Variants in CSGALNACT1 observed in about 807,000 individuals in gnomAD.
CSGALNACT1 encodes beta4GalNAcT-1.
A neutral mutation model predicts 51.0 loss-of-function variants in CSGALNACT1; 52 were observed. That is an observed-to-expected ratio of 1.02 (90% CI 0.82 to 1.29). CSGALNACT1 has a LOEUF of 1.29. Ranked by LOEUF, CSGALNACT1 falls within the 50% of genes most tolerant of loss-of-function variation. The pLI is 0.00. For missense variants in CSGALNACT1, 935 were observed against 679.2 expected (o/e 1.38, Z -4.19); for synonymous variants, 341 against 254.4 (o/e 1.34, Z -3.24).
At chr8:19,451,369 T>C (rs2063154410) in intron 5 of CSGALNACT1, among the ~76,000 whole-genome samples, 1 of 152,238 alleles carries the variant, frequency 6.6e-6, no homozygotes, top group African/African-American at 2.4e-5. Flanking sequence ...TGAGTCCTTG[T>C]TCATTGAACT....
chr8:19,475,295 CAAG>C (rs1225617561), intron 4 of CSGALNACT1, among the ~76,000 whole-genome samples: 1 of 152,174 alleles, frequency 6.6e-6, no homozygotes, highest in Non-Finnish European at 1.5e-5. Flanking sequence ...GCTGAAGGGC[CAAG>C]AAGGCAGCCT....
At chr8:19,580,581 G>A (rs1262669652) in intron 3 of CSGALNACT1, among the ~76,000 whole-genome samples, 3 of 152,126 alleles carry the variant, frequency 2.0e-5, no homozygotes, top group East Asian at 1.9e-4. Flanking sequence ...CTTCCTTGGA[G>A]GAATAGAACA....
chr8:19,618,317 T>C (rs770768841), intron 1 of CSGALNACT1, among the ~76,000 whole-genome samples: 8 of 152,082 alleles, frequency 5.3e-5, no homozygotes, highest in Non-Finnish European at 1.2e-4. Flanking sequence ...GTACTATGAC[T>C]GTAGGGCTGG....
At chr8:19,734,883 T>C (rs28526838) in intron 1 of CSGALNACT1, among the ~76,000 whole-genome samples, 34,670 of 151,984 alleles carry the variant, frequency 0.23, 4,349 homozygotes, top group African/African-American at 0.33. Flanking sequence ...ATTATAAATG[T>C]ATATCTGAAT....
chr8:19,527,074 G>A (rs1313186913), intron 3 of CSGALNACT1, among the ~76,000 whole-genome samples: 1 of 152,056 alleles, frequency 6.6e-6, no homozygotes, highest in African/African-American at 2.4e-5. Context: ...TAAAGCTCAC[G>A]ATATCAAGAT....
At chr8:19,541,645 C>T (rs1039042394) in intron 3 of CSGALNACT1, among the ~76,000 whole-genome samples, 1 of 145,852 alleles carries the variant, frequency 6.9e-6, no homozygotes, top group Non-Finnish European at 1.5e-5. Context: ...GGTGATGCAC[C>T]CTGTGTTGGC....
chr8:19,660,815 A>G (rs2058686088), intron 1 of CSGALNACT1, among the ~76,000 whole-genome samples: 1 of 152,176 alleles, frequency 6.6e-6, no homozygotes, highest in Admixed American at 6.5e-5. Context: ...CACTCTCTAC[A>G]CACAGGAAAA....
intron 1 of CSGALNACT1, among the ~76,000 whole-genome samples, chr8:19,654,778 C>G (rs2058112571): frequency 1.3e-5 from 2 of 152,126 alleles, no homozygotes; most frequent in Admixed American, 6.5e-5. Flanking sequence ...CTCCTGAGCT[C>G]AAGCAATCCT....
At chr8:19,650,400 A>G (rs1468147065) in intron 1 of CSGALNACT1, among the ~76,000 whole-genome samples, 1 of 152,244 alleles carries the variant, frequency 6.6e-6, no homozygotes, top group Admixed American at 6.5e-5. Context: ...AGTCGATTTC[A>G]AAAGATCCAG....
intron 1 of CSGALNACT1, among the ~76,000 whole-genome samples, chr8:19,616,233 G>T (rs1589049210): frequency 6.6e-6 from 1 of 152,188 alleles, no homozygotes; most frequent in Non-Finnish European, 1.5e-5. Context: ...AATTAGGGAA[G>T]ATCTTTAGTT....
At chr8:19,454,843 C>T (rs909050678) in intron 5 of CSGALNACT1, among the ~76,000 whole-genome samples, 2 of 151,888 alleles carry the variant, frequency 1.3e-5, no homozygotes, top group African/African-American at 4.8e-5. Flanking sequence ...CACTTTTTAA[C>T]TTCAGCGAGA....
intron 3 of CSGALNACT1, among the ~76,000 whole-genome samples, chr8:19,538,216 A>C (rs539844395): frequency 6.6e-6 from 1 of 152,232 alleles, no homozygotes; most frequent in South Asian, 2.1e-4. Context: ...GTAGTCCCCT[A>C]GCTACTTGAA....
At chr8:19,541,886 C>G (rs1169936452) in intron 3 of CSGALNACT1, among the ~76,000 whole-genome samples, 2 of 152,006 alleles carry the variant, frequency 1.3e-5, no homozygotes, top group Non-Finnish European at 1.5e-5. Context: ...ATAAAAATCC[C>G]TGTAGGATCA....
intron 3 of CSGALNACT1, among the ~76,000 whole-genome samples, chr8:19,551,560 G>A (rs148082979): frequency 2.7e-4 from 41 of 152,270 alleles, no homozygotes; most frequent in Non-Finnish European, 5.1e-4. Flanking sequence ...ATGCTTCAGC[G>A]TTCGGCTTCC....
At chr8:19,498,318 G>C (rs2075825608) in intron 4 of CSGALNACT1, among the ~76,000 whole-genome samples, 1 of 152,132 alleles carries the variant, frequency 6.6e-6, no homozygotes, top group African/African-American at 2.4e-5. Flanking sequence ...CCTCGGTGCA[G>C]GACCACATCC....
intron 6 of CSGALNACT1, among the ~76,000 whole-genome samples, chr8:19,425,415 A>G (rs997678242): frequency 1.3e-5 from 2 of 152,208 alleles, no homozygotes; most frequent in African/African-American, 4.8e-5. Flanking sequence ...ACCCCGTGTC[A>G]CAGTCTCATT....
At chr8:19,539,228 AC>A (rs1189836815) in intron 3 of CSGALNACT1, among the ~76,000 whole-genome samples, 3 of 152,156 alleles carry the variant, frequency 2.0e-5, no homozygotes, top group Non-Finnish European at 4.4e-5. Flanking sequence ...CCCTTAGCAA[AC>A]TTGCAGTACA....
chr8:19,750,709 T>C (rs945863933), intron 1 of CSGALNACT1, among the ~76,000 whole-genome samples: 5 of 152,150 alleles, frequency 3.3e-5, no homozygotes, highest in African/African-American at 9.7e-5. Flanking sequence ...AAACCCTTCC[T>C]CTCTCCTGCA....
At chr8:19,606,623 A>G (rs2154149237), upstream of CSGALNACT1, among the ~76,000 whole-genome samples, 1 of 152,334 alleles carries the variant, frequency 6.6e-6, no homozygotes, top group Admixed American at 6.5e-5. Flanking sequence ...TCCTGGTCTT[A>G]AGACTACAGG....
Sources: allele counts gnomAD v4.1 joint callset (sites outside exome capture counted in the v4.1 genomes callset), GRCh38; gene constraint gnomAD v4.1.1; transcripts MANE v1.5; gene names NCBI Gene and HGNC (gene_info 2026-07-23, HGNC 2026-07-21).